The following UGT2B7 variants were observed in gnomAD, a reference collection of about 807,000 sequenced individuals.
UGT2B7 encodes the protein UDP-glucuronosyltransferase 2B7.
UGT2B7 carries 51 observed loss-of-function variants against 51.9 expected under a neutral mutation model. That is an observed-to-expected ratio of 0.98 (90% CI 0.78 to 1.24). The LOEUF (loss-of-function observed/expected upper bound fraction) is 1.24. Ranked by LOEUF, UGT2B7 falls within the 50% of genes most tolerant of loss-of-function variation. UGT2B7 has a pLI of 0.00. For synonymous variants in UGT2B7, 225 were observed against 211.6 expected, an observed-to-expected ratio of 1.06 and a Z score of -0.55; for missense variants, 727 against 628.4, an observed-to-expected ratio of 1.16 and a Z score of -1.68.
At chr4:69,054,136 T>C (rs1718117770) in intron 1 of UGT2B7, among the ~76,000 whole-genome samples, 1 of 151,858 alleles carries the variant, frequency 6.6e-6, no homozygotes, top group African/African-American at 2.4e-5. Flanking sequence ...GCAAAGAGCT[T>C]TTCATGAGTT....
exon 1 of UGT2B7, chr4:69,051,559 A>C (rs1452722273): frequency 6.6e-6 from 1 of 152,330 alleles, no homozygotes; most frequent in Non-Finnish European, 1.5e-5. Context: ...GTGGCTGAAC[A>C]CCAGGAAGGA....
chr4:69,068,770 C>T (rs1467628819), intron 1 of UGT2B7, among the ~76,000 whole-genome samples: 1 of 151,800 alleles, frequency 6.6e-6, no homozygotes, highest in Non-Finnish European at 1.5e-5. Flanking sequence ...TGCTACAGTG[C>T]CATACTTTAG....
intron 1 of UGT2B7, among the ~76,000 whole-genome samples, chr4:69,072,439 CAT>C (rs899185392): frequency 2.0e-5 from 3 of 152,110 alleles, no homozygotes; most frequent in African/African-American, 7.2e-5. Flanking sequence ...ATGAAAATAA[CAT>C]ATGAAGCTGA....
intron 5 of UGT2B7, among the ~76,000 whole-genome samples, chr4:69,110,377 G>T (rs1379361020): frequency 2.6e-5 from 4 of 151,960 alleles, no homozygotes; most frequent in Non-Finnish European, 5.9e-5. Flanking sequence ...AGATCAAGAG[G>T]TGAATCACAA....
chr4:69,106,909 G>A lies in UGT2B7; in HGVS notation c.1003-266G>A, dbSNP rs562770571. On this transcript the variant is annotated intron_variant, in intron 3 of 5. Transcript: ENST00000305231. ...GCCACACGTAGGTTTTCTTTTAAAA[G>A]GTGTAACAATTTTTTAAATGCTTGA... Among the ~76,000 whole-genome samples the A allele has an allele frequency of 3.1e-4, 47 of 150,224 alleles. No homozygotes were observed. The South Asian group carries it at 7.4e-3, about 24-fold the overall frequency.
chr4:69,056,800 A>T (rs191965093), intron 1 of UGT2B7, among the ~76,000 whole-genome samples: 123 of 152,346 alleles, frequency 8.1e-4, no homozygotes, highest in African/African-American at 2.9e-3. Flanking sequence ...AGACATAAGT[A>T]ACAAAAATAA....
At chr4:69,059,264 G>T (rs1307168561) in intron 1 of UGT2B7, among the ~76,000 whole-genome samples, 2 of 152,208 alleles carry the variant, frequency 1.3e-5, no homozygotes, top group Non-Finnish European at 2.9e-5. Context: ...TGCAACTATT[G>T]TGGGAGCCAC....
At chr4:69,103,625 A>C (rs1442645918) in intron 3 of UGT2B7, among the ~76,000 whole-genome samples, 1 of 152,218 alleles carries the variant, frequency 6.6e-6, no homozygotes, top group East Asian at 1.9e-4. Context: ...GTGTCCTTTT[A>C]GAAATACAAG....
At chr4:69,060,875 T>C (rs925291216) in intron 1 of UGT2B7, among the ~76,000 whole-genome samples, 2 of 152,214 alleles carry the variant, frequency 1.3e-5, no homozygotes, top group African/African-American at 4.8e-5. Flanking sequence ...TTAGAGACTG[T>C]GAGTACCCTA....
intron 5 of UGT2B7, among the ~76,000 whole-genome samples, chr4:69,111,365 G>C (rs528949401): frequency 6.6e-6 from 1 of 152,276 alleles, no homozygotes; most frequent in East Asian, 1.9e-4. Context: ...TCTGGCTACA[G>C]GGTGGGAAAG....
In UGT2B7 at chr4:69,064,107, A is replaced by G. The variant is rs1560499785; in HGVS notation, c.-159+12505A>G. On this transcript the variant is annotated intron_variant, in intron 1 of 5. Transcript: ENST00000502942. ...AAGAAAGAAAGAAAGAGAAAGAAAG[A>G]AAGAAAAAGAAAGAAAGAAAGAAAG... is the stretch of plus-strand genomic sequence containing the variant. 2.0e-5 allele frequency among the ~76,000 whole-genome samples: 2 copies of G among 98,260 alleles called. 1 individual carries two copies. The highest frequency in any genetic ancestry group is 7.8e-4 in the East Asian group (2 of 2,564). The allele number at this position is 98,260 out of a possible 152,430, so 64.5% of individuals were successfully genotyped here. A position where few individuals can be genotyped will look rare whatever the true frequency, so the allele number is the denominator to read the frequency against.
At chr4:69,105,838 GTCAA>G (rs1174456928) in intron 3 of UGT2B7, among the ~76,000 whole-genome samples, 2 of 151,938 alleles carry the variant, frequency 1.3e-5, no homozygotes, top group African/African-American at 4.8e-5. Flanking sequence ...TTGTTATTTT[GTCAA>G]TCAAAGGACA....
chr4:69,072,430 T>A (rs752554614), intron 1 of UGT2B7, among the ~76,000 whole-genome samples: 4 of 152,192 alleles, frequency 2.6e-5, no homozygotes, highest in Non-Finnish European at 5.9e-5. Context: ...AATTTAATGA[T>A]GAAAATAACA....
intron 2 of UGT2B7, 113 bp downstream of exon 2, chr4:69,098,801 G>A: frequency 6.5e-7 from 1 of 1,541,732 alleles, no homozygotes; most frequent in Non-Finnish European, 8.7e-7. Context: ...TGGGAAATGG[G>A]TGGGGTAAAG....
upstream of UGT2B7, among the ~76,000 whole-genome samples, chr4:69,092,112 A>G (rs1417184918): frequency 6.6e-6 from 1 of 151,870 alleles, no homozygotes; most frequent in African/African-American, 2.4e-5. Flanking sequence ...ATTTTTTTGT[A>G]AAATGTTTGT....
intron 1 of UGT2B7, among the ~76,000 whole-genome samples, chr4:69,061,213 TA>T (rs1718337958): frequency 6.6e-6 from 1 of 152,148 alleles, no homozygotes; most frequent in Non-Finnish European, 1.5e-5. Context: ...AGACTCTAAA[TA>T]TGCTTTTGCC....
rs1446612579 is a variant in UGT2B7, at chr4:69,054,170, C to T, written c.-159+2568C>T. ...TTAAAAAAAAAAAAACTCATGTCGG[C>T]CCCAGCCCTGAGGTTACCTGACCTG... On this transcript the variant is annotated intron_variant, in intron 1 of 5. Transcript: ENST00000502942. Among the ~76,000 whole-genome samples the T allele has an allele frequency of 2.0e-5, 3 of 151,580 alleles. No individual in the cohort carries two copies. The East Asian group carries it at 5.8e-4, about 29-fold the overall frequency.
At chr4:69,089,910 C>T (rs558572911) in intron 2 of UGT2B7, among the ~76,000 whole-genome samples, 23 of 152,122 alleles carry the variant, frequency 1.5e-4, no homozygotes, top group Admixed American at 3.9e-4. Context: ...TACTCAAAAA[C>T]AACAAATAAA....
chr4:69,060,458 G>T (rs773861086), intron 1 of UGT2B7, among the ~76,000 whole-genome samples: 2 of 152,190 alleles, frequency 1.3e-5, no homozygotes, highest in African/African-American at 4.8e-5. Flanking sequence ...CTCCTCCTCT[G>T]GGAGGCTGAC....
Sources: gnomAD v4.1 joint callset for allele counts (sites outside exome capture counted in the v4.1 genomes callset) on GRCh38, gnomAD v4.1.1 for gene constraint, MANE v1.5 for transcripts, NCBI Gene and HGNC (gene_info 2026-07-23, HGNC 2026-07-21) for gene names.